The following C1orf94 variants were observed in gnomAD, a reference collection of about 807,000 sequenced individuals.
C1orf94 encodes the protein chromosome 1 open reading frame 94.
Under a neutral mutation model 53.6 loss-of-function variants are expected in C1orf94, and 45 were observed. That is an observed-to-expected ratio of 0.84 (90% CI 0.66 to 1.08). The LOEUF (loss-of-function observed/expected upper bound fraction) is 1.08, where lower values mean the gene tolerates loss of function less well. Among genes scored for constraint, C1orf94 ranks in the 50% least tolerant of loss-of-function variants. The pLI, the probability that C1orf94 is intolerant of heterozygous loss-of-function variation, is 0.00. For synonymous variants in C1orf94, 304 were observed against 296.1 expected, an observed-to-expected ratio of 1.03 and a Z score of -0.27; for missense variants, 762 against 738.9, an observed-to-expected ratio of 1.03 and a Z score of -0.36.
chr1:34,175,879 C>A (rs1208393043), upstream of C1orf94, among the ~76,000 whole-genome samples: 1 of 151,870 alleles, frequency 6.6e-6, no homozygotes, highest in African/African-American at 2.4e-5. Context: ...TAGGTTGGTA[C>A]AAAAGTAATT....
chr1:34,209,275 G>C (rs74536476), intron 5 of C1orf94, among the ~76,000 whole-genome samples: 1 of 139,408 alleles, frequency 7.2e-6, no homozygotes, highest in Non-Finnish European at 1.5e-5. Context: ...GCAGCAGAAA[G>C]AGAAATGCAA....
At position 34,197,916 on chromosome 1, in the gene C1orf94, G is replaced by A. The variant is rs1301955165; in HGVS notation, c.1009+3G>A. 1 of 1,609,886 alleles carries A rather than the reference G, an allele frequency of 6.2e-7. No individual in the cohort carries two copies. Among genetic ancestry groups the A allele is most frequent in the Non-Finnish European group, 8.5e-7 (1 of 1,177,674 alleles). On this transcript the variant is annotated splice_donor_region_variant and intron_variant, in intron 2 of 6. Transcript: ENST00000488417. This position sits in a 1 kb window ranked among gnomAD's most constrained non-coding sequence, Gnocchi z 4.1. The stretch of plus-strand genomic sequence containing the variant: ...TGTGGAGAGGCACCACTTGATGGGT[G>A]AGTGGGGTTGGAACTGGGGTAGAGT...
At position 34,177,134 on chromosome 1, in the gene C1orf94, C is replaced by T. The variant is rs1642239224; in HGVS notation, c.-656C>T. On this transcript the variant is annotated 5_prime_UTR_variant, in exon 1 of 7. Transcript: ENST00000488417. Reference sequence around the variant, plus strand: ...GGCCGGGGACTAAGGGCTGTGGGCCCATCCACACACGCCTCATCCCTTCTT... The same window carrying T: ...GGCCGGGGACTAAGGGCTGTGGGCCTATCCACACACGCCTCATCCCTTCTT... Among the ~76,000 whole-genome samples the T allele has an allele frequency of 6.6e-6, 1 of 152,248 alleles. No individual in the cohort carries two copies. Among genetic ancestry groups the T allele is most frequent in the South Asian group, 2.1e-4 (1 of 4,834 alleles).
intron 1 of C1orf94, among the ~76,000 whole-genome samples, chr1:34,192,326 A>G (rs564198442): frequency 6.6e-5 from 10 of 152,250 alleles, no homozygotes; most frequent in African/African-American, 2.4e-4. Context: ...GCCTTGCAGA[A>G]TTTGGGAGGT....
chr1:34,213,126 G>C (rs938019200), intron 6 of C1orf94, among the ~76,000 whole-genome samples: 1 of 152,178 alleles, frequency 6.6e-6, no homozygotes, highest in African/African-American at 2.4e-5. Flanking sequence ...GGGGCACGTG[G>C]TGCCCTGTCA....
upstream of C1orf94, among the ~76,000 whole-genome samples, chr1:34,174,137 G>T (rs1191263951): frequency 6.6e-6 from 1 of 152,212 alleles, no homozygotes; most frequent in African/African-American, 2.4e-5. Flanking sequence ...ACAAAGCCTG[G>T]AAAGGCGTAA....
chr1:34,197,853 T>C lies in C1orf94; in HGVS notation c.949T>C (p.Phe317Leu). The C allele has an allele frequency of 6.2e-7, 1 of 1,614,148 alleles. No homozygotes were observed. ...TGCTCAGAAGAGGCAGCTCCCAGTG[T>C]TTGCCAAGATCTGTTCCAAGCCCAA... The part of the protein sequence containing the change: ...LPAQKRQLPV[F>L]AKICSKPKAD... Residue 317 changes from phenylalanine (F) to leucine (L), a missense_variant, in exon 2 of 7, where the codon TTT (phenylalanine) becomes CTT (leucine). Coordinates refer to ENST00000488417, the MANE Select transcript of C1orf94 (RefSeq NM_001134734.2). The surrounding 1 kb of genome is among the most constrained non-coding windows in gnomAD (Gnocchi z 4.1).
At chr1:34,178,227 GC>G in intron 1 of C1orf94, 118 bp downstream of exon 1, 1 of 1,093,732 alleles carries the variant, frequency 9.1e-7, no homozygotes, top group Non-Finnish European at 1.3e-6. Flanking sequence ...GCTGTATATT[GC>G]CCCCTCCATG....
chr1:34,173,943 A>G (rs1415617075), upstream of C1orf94, among the ~76,000 whole-genome samples: 1 of 152,292 alleles, frequency 6.6e-6, no homozygotes, highest in Admixed American at 6.5e-5. Flanking sequence ...GAGGAACATA[A>G]CTCCATGTTG....
chr1:34,209,102 T>TTTGCTAA (rs1642848952), intron 5 of C1orf94, among the ~76,000 whole-genome samples: 1 of 152,192 alleles, frequency 6.6e-6, no homozygotes, highest in South Asian at 2.1e-4. Flanking sequence ...GGGTGTCCTG[T>TTTGCTAA]ATTTTTATTT....
In C1orf94 at chr1:34,217,750, C is replaced by G. The variant is rs1037958919; in HGVS notation, c.1722-936C>G. Among the ~76,000 whole-genome samples, 5 of 152,266 alleles carry G rather than the reference C, an allele frequency of 3.3e-5. No individual in the cohort carries two copies. The South Asian group carries it at 1.0e-3, about 32-fold the overall frequency. On this transcript the variant is annotated intron_variant, in intron 6 of 6. Coordinates refer to ENST00000488417, the MANE Select transcript of C1orf94 (RefSeq NM_001134734.2). ...CATTGCTTCTTCCCTCCTCTGCTCCCGCTTTTTGTTTCATCAATTCATAGA... is the reference window on the plus strand; with the variant it reads ...CATTGCTTCTTCCCTCCTCTGCTCCGGCTTTTTGTTTCATCAATTCATAGA...
intron 4 of C1orf94, 76 bp downstream of exon 4, chr1:34,202,335 G>T: frequency 6.6e-7 from 1 of 1,506,146 alleles, no homozygotes; most frequent in South Asian, 1.3e-5. Flanking sequence ...CTGGCAGGGG[G>T]TCTATTTCAC....
exon 1 of C1orf94, chr1:34,167,012 C>T (rs768617234): frequency 6.6e-6 from 1 of 152,308 alleles, no homozygotes; most frequent in Non-Finnish European, 1.5e-5. Context: ...CAAGAACCAA[C>T]CGAAGCAGCC....
At chr1:34,192,172 A>G (rs1178649166) in intron 1 of C1orf94, among the ~76,000 whole-genome samples, 2 of 152,206 alleles carry the variant, frequency 1.3e-5, no homozygotes, top group Admixed American at 6.5e-5. Flanking sequence ...ACTTGGGGGA[A>G]AAAGGTAGAT....
intron 1 of C1orf94, among the ~76,000 whole-genome samples, chr1:34,183,856 CAA>C (rs1282682531): frequency 7.6e-5 from 8 of 105,358 alleles, no homozygotes; most frequent in African/African-American, 1.7e-4. Flanking sequence ...AACTCCGTCT[CAA>C]AAAAAAAAAA....
chr1:34,187,502 G>A (rs1159961018), intron 1 of C1orf94, among the ~76,000 whole-genome samples: 1 of 152,120 alleles, frequency 6.6e-6, no homozygotes, highest in Middle Eastern at 3.4e-3. Flanking sequence ...GGAGCCTGCA[G>A]AGATGGGCCA....
intron 1 of C1orf94, 103 bp downstream of exon 1, chr1:34,178,212 T>A: frequency 1.6e-6 from 2 of 1,239,238 alleles, no homozygotes; most frequent in Non-Finnish European, 2.2e-6. Flanking sequence ...GGTGAAACCC[T>A]AAAGGCTGTA....
At chr1:34,180,949 C>T (rs1571335887) in intron 1 of C1orf94, among the ~76,000 whole-genome samples, 1 of 152,176 alleles carries the variant, frequency 6.6e-6, no homozygotes, top group South Asian at 2.1e-4. Flanking sequence ...CGAATCCCCT[C>T]CTTACTGTCC....
At chr1:34,172,739 T>C (rs1642166993), upstream of C1orf94, among the ~76,000 whole-genome samples, 1 of 152,226 alleles carries the variant, frequency 6.6e-6, no homozygotes, top group Admixed American at 6.5e-5. Flanking sequence ...AAGGTTCCTT[T>C]TCAAAGTCCT....
Sources: allele counts gnomAD v4.1 joint callset (sites outside exome capture counted in the v4.1 genomes callset), GRCh38; gene constraint gnomAD v4.1.1; non-coding constraint Gnocchi (gnomAD v3.1); transcripts MANE v1.5; gene names NCBI Gene and HGNC (gene_info 2026-07-23, HGNC 2026-07-21).